ZMYM2: variants seen among roughly 807,000 people sequenced by gnomAD.
ZMYM2 encodes the protein zinc finger MYM-type protein 2.
Under a neutral mutation model 162.8 loss-of-function variants are expected in ZMYM2, and 56 were observed. The ratio of observed to expected loss-of-function variants is 0.34; its 90% CI spans 0.28 to 0.43. The LOEUF (loss-of-function observed/expected upper bound fraction) is 0.43. Among genes scored for constraint, ZMYM2 ranks in the 20% least tolerant of loss-of-function variants. ZMYM2 has a pLI of 1.00. For synonymous variants in ZMYM2, 510 were observed against 541.6 expected, an observed-to-expected ratio of 0.94 and a Z score of 0.81; for missense variants, 1,275 against 1,621.8, an observed-to-expected ratio of 0.79 and a Z score of 3.67.
At chr13:20,085,185 G>A (rs1317103944) in intron 24 of ZMYM2, among the ~76,000 whole-genome samples, 1 of 152,180 alleles carries the variant, frequency 6.6e-6, no homozygotes, top group African/African-American at 2.4e-5. Flanking sequence ...CCTCACATGA[G>A]GTCAGGTGTG....
chr13:19,953,675 T>A, the ZMYM2 span, among the ~76,000 whole-genome samples: 2 of 98,134 alleles, frequency 2.0e-5, no homozygotes, highest in African/African-American at 8.2e-5. Context: ...AGAGCAAGAC[T>A]CTGTCTCAAA....
intron 6 of ZMYM2, among the ~76,000 whole-genome samples, chr13:20,017,119 T>G (rs982427898): frequency 1.3e-5 from 2 of 152,166 alleles, no homozygotes; most frequent in Non-Finnish European, 2.9e-5. Flanking sequence ...TCAGACCACC[T>G]CAGTTAGGGT....
chr13:19,899,780 G>A, the ZMYM2 span, among the ~76,000 whole-genome samples: 1 of 125,744 alleles, frequency 8.0e-6, no homozygotes, highest in Non-Finnish European at 1.6e-5. Flanking sequence ...TTGTGCCACT[G>A]CACTTCAGCC....
intron 2 of ZMYM2, among the ~76,000 whole-genome samples, chr13:19,989,735 T>A (rs1949456361): frequency 6.6e-6 from 1 of 152,228 alleles, no homozygotes; most frequent in South Asian, 2.1e-4. Context: ...TGTTGTGCTA[T>A]CAAATAATAG....
chr13:19,914,026 A>G, the ZMYM2 span, among the ~76,000 whole-genome samples: 1 of 152,202 alleles, frequency 6.6e-6, no homozygotes, highest in Non-Finnish European at 1.5e-5. Flanking sequence ...AACTTGGGAC[A>G]AGGAATAGGT....
intron 22 of ZMYM2, among the ~76,000 whole-genome samples, chr13:20,082,388 C>T (rs960400056): frequency 6.6e-6 from 1 of 152,130 alleles, no homozygotes; most frequent in Non-Finnish European, 1.5e-5. Flanking sequence ...CTTAAGCCTT[C>T]CAGTGGAGCT....
At chr13:19,895,385 AG>A in the ZMYM2 span, among the ~76,000 whole-genome samples, 1 of 151,954 alleles carries the variant, frequency 6.6e-6, no homozygotes, top group South Asian at 2.1e-4. Flanking sequence ...TATAAAGAAA[AG>A]GAATTTACGG....
intron 9 of ZMYM2, among the ~76,000 whole-genome samples, chr13:20,029,527 A>C (rs1434697870): frequency 2.0e-5 from 3 of 152,186 alleles, no homozygotes; most frequent in African/African-American, 7.2e-5. Flanking sequence ...AAATTTATTC[A>C]TCTCATAGTC....
the ZMYM2 span, among the ~76,000 whole-genome samples, chr13:19,937,851 A>C: frequency 7.6e-6 from 1 of 130,858 alleles, no homozygotes; most frequent in Non-Finnish European, 1.5e-5. Flanking sequence ...ACGTGTTCTC[A>C]TTGTTCAATT....
intron 9 of ZMYM2, among the ~76,000 whole-genome samples, chr13:20,027,596 G>C (rs1014711325): frequency 3.9e-5 from 6 of 152,024 alleles, no homozygotes; most frequent in Non-Finnish European, 5.9e-5. Context: ...TTTCTTATTA[G>C]ATAGTTTGAA....
chr13:19,999,321 G>A (rs1317573819), intron 3 of ZMYM2, among the ~76,000 whole-genome samples: 1 of 152,110 alleles, frequency 6.6e-6, no homozygotes, highest in Non-Finnish European at 1.5e-5. Context: ...AACATCATGT[G>A]GTCACTTCGT....
At chr13:19,885,965 G>GTATACACATATATGTGTA in the ZMYM2 span, among the ~76,000 whole-genome samples, 4 of 91,294 alleles carry the variant, frequency 4.4e-5, 2 homozygotes, top group African/African-American at 1.9e-4. Flanking sequence ...ATATATATGT[G>GTATACACATATATGTGTA]TATACACATA....
chr13:19,916,280 C>T, the ZMYM2 span, among the ~76,000 whole-genome samples: 4 of 152,072 alleles, frequency 2.6e-5, no homozygotes, highest in Admixed American at 2.6e-4. Context: ...TAAATTAGTT[C>T]AACCATTGTG....
the ZMYM2 span, among the ~76,000 whole-genome samples, chr13:19,928,143 C>T: frequency 4.3e-4 from 65 of 152,254 alleles, no homozygotes; most frequent in African/African-American, 1.5e-3. Context: ...GTAGCTGGGA[C>T]TACGGGCACT....
the ZMYM2 span, among the ~76,000 whole-genome samples, chr13:19,899,120 T>G: frequency 1.3e-5 from 2 of 151,650 alleles, no homozygotes; most frequent in East Asian, 3.9e-4. Context: ...ACGGGGGTAA[T>G]TTTTGTATTT....
the ZMYM2 span, among the ~76,000 whole-genome samples, chr13:19,909,937 C>T: frequency 4.8e-4 from 73 of 151,510 alleles, no homozygotes; most frequent in African/African-American, 1.5e-3. Flanking sequence ...AGGCCAAGGC[C>T]GGGCATGGTG....
At chr13:19,922,159 C>A in the ZMYM2 span, among the ~76,000 whole-genome samples, 375 of 152,208 alleles carry the variant, frequency 2.5e-3, 4 homozygotes, top group Non-Finnish European at 4.1e-4. Flanking sequence ...AGGTGATCCG[C>A]CTGCCTCGGC....
chr13:20,057,263 C>T (rs889400368), intron 14 of ZMYM2, among the ~76,000 whole-genome samples: 26 of 151,736 alleles, frequency 1.7e-4, no homozygotes, highest in African/African-American at 3.6e-4. Flanking sequence ...CCACCATGTC[C>T]GGCTAATTAT....
chr13:20,081,870 C>A (rs979469165), intron 21 of ZMYM2, 146 bp from the exon 22 acceptor site: 1 of 486,244 alleles, frequency 2.1e-6, no homozygotes, highest in Non-Finnish European at 3.6e-6. Context: ...TTTCTAGGTG[C>A]ATACATAAAA....
Sources: gnomAD v4.1 joint callset for allele counts (sites outside exome capture counted in the v4.1 genomes callset) on GRCh38, gnomAD v4.1.1 for gene constraint, MANE v1.5 for transcripts, NCBI Gene and HGNC (gene_info 2026-07-23, HGNC 2026-07-21) for gene names.